The following XIRP2 variants were observed in gnomAD, a reference collection of about 807,000 sequenced individuals.
XIRP2 encodes xin actin binding repeat containing 2.
A neutral mutation model predicts 277.0 loss-of-function variants in XIRP2; 236 were observed. That is an observed-to-expected ratio of 0.85 (90% CI 0.77 to 0.95). The LOEUF (loss-of-function observed/expected upper bound fraction) is 0.95, where lower values mean the gene tolerates loss of function less well. Ranked by LOEUF, XIRP2 falls within the 40% of genes least tolerant of loss-of-function variation. XIRP2 has a pLI of 0.00. For synonymous variants in XIRP2, 1,490 were observed against 1,416.5 expected, an observed-to-expected ratio of 1.05 and a Z score of -1.17; for missense variants, 4,640 against 4,157.5, an observed-to-expected ratio of 1.12 and a Z score of -3.19.
chr2:166,914,481 C>T (rs1221503038), intron 2 of XIRP2, among the ~76,000 whole-genome samples: 1 of 152,096 alleles, frequency 6.6e-6, no homozygotes, highest in East Asian at 1.9e-4. Context: ...GCTGGGACTA[C>T]AGGTGCCCGC....
chr2:167,031,916 C>A (rs1420064044), intron 2 of XIRP2, among the ~76,000 whole-genome samples: 1 of 152,090 alleles, frequency 6.6e-6, no homozygotes, highest in Non-Finnish European at 1.5e-5. Flanking sequence ...CCCCATCAAG[C>A]TGCCATTGAC....
At chr2:167,019,228 G>A (rs181383082) in intron 2 of XIRP2, among the ~76,000 whole-genome samples, 1 of 152,046 alleles carries the variant, frequency 6.6e-6, no homozygotes, top group Non-Finnish European at 1.5e-5. Context: ...GAACTCTCAA[G>A]GTCTCGTTCA....
Position 167,249,568 on chromosome 2 carries a change from G to A in XIRP2, c.8176G>A (p.Asp2726Asn). The A allele has an allele frequency of 1.2e-6, 2 of 1,613,534 alleles. No individual in the cohort carries two copies. Among genetic ancestry groups the A allele is most frequent in the Non-Finnish European group, 1.7e-6 (2 of 1,179,776 alleles). The part of the protein sequence containing the change: ...PTLDHTLNET[D>N]HSYESHKQQS... ...TCTAGATCATACATTAAATGAAACA[G>A]ACCACAGCTATGAAAGTCATAAACA... is the stretch of plus-strand genomic sequence containing the variant. The change falls in exon 9 of 11, where the codon GAC becomes AAC. Residue 2726 changes from aspartate (D) to asparagine (N), a missense_variant. Transcript: ENST00000409195.
chr2:166,995,377 A>G (rs1319975103), intron 2 of XIRP2, among the ~76,000 whole-genome samples: 1 of 152,170 alleles, frequency 6.6e-6, no homozygotes, highest in East Asian at 1.9e-4. Context: ...GTACTTTACC[A>G]CAAGTACTGC....
Position 167,247,686 on chromosome 2 carries a change from A to C in XIRP2, c.6294A>C (p.Ser2098=). ...AGAATAATCTAACAACTAAAGAATC[A>C]GACAGGGCAGTGAGAGAGCTGAAGA... ...SVKNNLTTKE[S]DRAVRELKKD... is the part of the protein sequence containing the mutation. The change falls in exon 9 of 11, where the codon TCA becomes TCC. Residue 2098 remains serine, a synonymous_variant. Transcript: ENST00000409195. 1 of 1,613,658 alleles carries C rather than the reference A, an allele frequency of 6.2e-7. No individual in the cohort carries two copies. Among genetic ancestry groups the C allele is most frequent in the Non-Finnish European group, 8.5e-7 (1 of 1,179,742 alleles).
At chr2:167,135,049 T>A (rs1249873055) in intron 2 of XIRP2, among the ~76,000 whole-genome samples, 1 of 152,202 alleles carries the variant, frequency 6.6e-6, no homozygotes. Context: ...GGAAGACTAC[T>A]GTGTGACCTC....
chr2:166,937,203 T>C, intron 2 of XIRP2, among the ~76,000 whole-genome samples: 1 of 152,218 alleles, frequency 6.6e-6, no homozygotes, highest in East Asian at 1.9e-4. Context: ...TTTTTCCCAT[T>C]CCGTATGATA....
At position 166,895,732 on chromosome 2, in the gene XIRP2, G is replaced by A. The variant is rs374093310; in HGVS notation, c.-19+7175G>A. 4.8e-4 allele frequency among the ~76,000 whole-genome samples: 73 copies of A among 152,264 alleles called. 3 individuals carry two copies. The South Asian group carries it at 0.015, about 31-fold the overall frequency. On this transcript the variant is annotated intron_variant, in intron 1 of 10. Coordinates refer to ENST00000409195, the MANE Select transcript of XIRP2 (RefSeq NM_152381.6). ...TCATTCATACCCAGATTCTGACTTA[G>A]CATGCAATTCTCTGAATGCTGGGAA...
At position 167,244,660 on chromosome 2, in the gene XIRP2, G is replaced by A. The variant is rs747781036; in HGVS notation, c.3268G>A (p.Asp1090Asn). ...TEQTRDIVKG[D>N]VKTCKWLFET... ...ACAAACTAGAGATATTGTTAAAGGG[G>A]ATGTCAAAACCTGTAAATGGCTTTT... Residue 1090 changes from aspartate to asparagine, a missense_variant, in exon 9 of 11, where the codon GAT (aspartate) becomes AAT (asparagine). Physicochemically the swap from Asp to Asn is conservative, Grantham distance 23. Transcript: ENST00000409195. 1 of 1,613,466 alleles carries A rather than the reference G, an allele frequency of 6.2e-7. No individual in the cohort carries two copies. The highest frequency in any genetic ancestry group is 1.7e-5 in the Admixed American group (1 of 59,946).
intron 3 of XIRP2, among the ~76,000 whole-genome samples, chr2:167,198,057 G>A (rs1477292725): frequency 6.6e-6 from 1 of 152,094 alleles, no homozygotes. Flanking sequence ...AGAAACAAAT[G>A]CCTATGTCAA....
chr2:167,254,211 C>T, intron 10 of XIRP2, 46 bp downstream of exon 10: 7 of 1,582,310 alleles, frequency 4.4e-6, no homozygotes, highest in Non-Finnish European at 6.0e-6. Flanking sequence ...AGGAGCTGCA[C>T]TCTATGTATA....
In XIRP2 at chr2:167,240,661, C is replaced by T. The variant is rs546006829; in HGVS notation, c.970-3C>T. The T allele has an allele frequency of 3.1e-6, 5 of 1,612,634 alleles. No homozygotes were observed. In the African/African-American group the frequency reaches 4.0e-5, roughly 13 times the overall value. On this transcript the variant is annotated splice_region_variant and splice_polypyrimidine_tract_variant and intron_variant, in intron 6 of 10. Coordinates refer to ENST00000409195, the MANE Select transcript of XIRP2 (RefSeq NM_152381.6). ...TTTATTTTCAAATTCTCTTTAAATACAGGTCTCTCATCTTGAAAAGCACAC... is the reference window on the plus strand; with the variant it reads ...TTTATTTTCAAATTCTCTTTAAATATAGGTCTCTCATCTTGAAAAGCACAC...
At chr2:167,027,135 G>A (rs1401080032) in intron 2 of XIRP2, among the ~76,000 whole-genome samples, 3 of 152,046 alleles carry the variant, frequency 2.0e-5, no homozygotes, top group Non-Finnish European at 2.9e-5. Context: ...TCACTCTCAG[G>A]TACACCAATC....
chr2:167,242,892 T>C lies in XIRP2; in HGVS notation c.1500T>C (p.Arg500=). 2 of 1,614,026 alleles carry C rather than the reference T, an allele frequency of 1.2e-6. No homozygotes were observed. Among genetic ancestry groups the C allele is most frequent in the Non-Finnish European group, 8.5e-7 (1 of 1,179,944 alleles). The change falls in exon 9 of 11, where the codon CGT becomes CGC. Residue 500 remains arginine, a synonymous_variant. Transcript: ENST00000409195. ...SKQRNLYELN[R]LYKHIHPELR... ...AAAGAAATTTGTATGAATTAAACCG[T>C]TTATATAAACACATCCATCCTGAGT...
rs1687527389 is a variant in XIRP2, at chr2:167,007,269, A to T, written c.408+103379A>T. ...TTGGGGTTAAGTCACCAATGATGGGATATCATATAAATTATAGAGGTGGAA... is the reference window on the plus strand; with the variant it reads ...TTGGGGTTAAGTCACCAATGATGGGTTATCATATAAATTATAGAGGTGGAA... On this transcript the variant is annotated intron_variant, in intron 2 of 10. Transcript: ENST00000409195. Among the ~76,000 whole-genome samples, 4 of 151,864 alleles carry T rather than the reference A, an allele frequency of 2.6e-5. No homozygotes were observed. In the South Asian group the frequency reaches 6.2e-4, roughly 24 times the overall value.
intron 2 of XIRP2, among the ~76,000 whole-genome samples, chr2:167,025,433 G>A (rs530671745): frequency 6.6e-6 from 1 of 151,902 alleles, no homozygotes; most frequent in Non-Finnish European, 1.5e-5. Context: ...TTTTTGAAGG[G>A]TTTTTTGTGT....
intron 3 of XIRP2, among the ~76,000 whole-genome samples, chr2:167,158,413 TA>T (rs1163387001): frequency 6.6e-6 from 1 of 152,186 alleles, no homozygotes; most frequent in Non-Finnish European, 1.5e-5. Flanking sequence ...TGGACTTAAA[TA>T]CAAAAGAGGT....
intron 4 of XIRP2, among the ~76,000 whole-genome samples, chr2:167,213,391 A>T (rs1694114639): frequency 6.6e-6 from 1 of 152,194 alleles, no homozygotes; most frequent in Non-Finnish European, 1.5e-5. Context: ...CTGTCTGTCC[A>T]ACTCCCAAAA....
chr2:166,942,971 G>A (rs577765545), intron 2 of XIRP2, among the ~76,000 whole-genome samples: 18 of 152,042 alleles, frequency 1.2e-4, no homozygotes, highest in African/African-American at 3.6e-4. Context: ...ATCATCAGAA[G>A]TTATATTCCA....
Sources: allele counts gnomAD v4.1 joint callset (sites outside exome capture counted in the v4.1 genomes callset), GRCh38; gene constraint gnomAD v4.1.1; transcripts MANE v1.5; gene names NCBI Gene and HGNC (gene_info 2026-07-23, HGNC 2026-07-21).